Variants in TBC1D5 observed in about 807,000 individuals in gnomAD.
TBC1D5 encodes TBC1 domain family, member 5.
A neutral mutation model predicts 100.3 loss-of-function variants in TBC1D5; 75 were observed. The observed-to-expected ratio is 0.75, with a 90% confidence interval of 0.62 to 0.91. TBC1D5 has a LOEUF of 0.91. Ranked by LOEUF, TBC1D5 falls within the 40% of genes least tolerant of loss-of-function variation. The pLI is 0.00. For synonymous variants in TBC1D5, 323 were observed against 325.6 expected, an observed-to-expected ratio of 0.99 and a Z score of 0.09; for missense variants, 910 against 942.4, an observed-to-expected ratio of 0.97 and a Z score of 0.45.
chr3:17,340,790 T>A (rs1478519028), intron 13 of TBC1D5: 6 of 152,170 alleles, frequency 3.9e-5, no homozygotes, highest in African/African-American at 7.2e-5. Flanking sequence ...CTTGCAGGGA[T>A]CTAAAGAATT....
intron 13 of TBC1D5, among the ~76,000 whole-genome samples, chr3:17,353,751 TAAG>T (rs888280829): frequency 3.9e-5 from 6 of 152,090 alleles, no homozygotes; most frequent in African/African-American, 9.7e-5. Flanking sequence ...GTACTTCATA[TAAG>T]AAGATGAGAA....
At chr3:17,690,084 C>A (rs1365935519) in intron 1 of TBC1D5, among the ~76,000 whole-genome samples, 1 of 151,588 alleles carries the variant, frequency 6.6e-6, no homozygotes, top group African/African-American at 2.4e-5. Flanking sequence ...GGAAACAAGA[C>A]TAGAAAACAT....
Position 17,638,637 on chromosome 3 carries a change from T to A in TBC1D5, c.-100-14724A>T, listed in dbSNP as rs114785039. Reference sequence around the variant, plus strand: ...CAGTACAGATGAATAAAAGTAGTACTGTTTTTCAATAACCACACAATAATG... The same window carrying A: ...CAGTACAGATGAATAAAAGTAGTACAGTTTTTCAATAACCACACAATAATG... On this transcript the variant is annotated intron_variant, in intron 1 of 21. Coordinates refer to ENST00000253692, the Ensembl canonical transcript of TBC1D5. Among the ~76,000 whole-genome samples the A allele has an allele frequency of 5.9e-3, 902 of 152,304 alleles. 5 individuals carry two copies. Among genetic ancestry groups the A allele is most frequent in the Middle Eastern group, 0.031 (9 of 294 alleles).
chr3:17,625,491 A>C (rs1281559921), intron 1 of TBC1D5, among the ~76,000 whole-genome samples: 1 of 152,048 alleles, frequency 6.6e-6, no homozygotes, highest in African/African-American at 2.4e-5. Flanking sequence ...TAAGGCTGTT[A>C]AAATAGGTTA....
rs115318122 is a variant in TBC1D5 at position 17,246,968 on chromosome 3, A to G, written c.1332-8549T>C. The stretch of plus-strand genomic sequence containing the variant: ...TCTTTATATATCTGGGCCTTGGGTC[A>G]CACCAAATTGTTTACACTAACAATG... On this transcript the variant is annotated intron_variant, in intron 16 of 21. Transcript: ENST00000253692. Among the ~76,000 whole-genome samples, 1,387 of 152,312 alleles carry G rather than the reference A, an allele frequency of 9.1e-3. 17 individuals carry two copies. Among genetic ancestry groups the G allele is most frequent in the African/African-American group, 0.031 (1,302 of 41,566 alleles).
intron 3 of TBC1D5, among the ~76,000 whole-genome samples, chr3:17,444,867 G>A (rs2094748250): frequency 6.6e-6 from 1 of 151,978 alleles, no homozygotes; most frequent in African/African-American, 2.4e-5. Context: ...GCTACAAAGG[G>A]TGTTACACAA....
intron 21 of TBC1D5, 47 bp from the exon 23 acceptor site, chr3:17,161,303 C>CAAAG: frequency 6.4e-7 from 1 of 1,556,646 alleles, no homozygotes; most frequent in Non-Finnish European, 8.7e-7. Flanking sequence ...AAGAAACTGG[C>CAAAG]AAAGAACTGA....
At chr3:17,729,352 A>AGG (rs1400031186) in intron 1 of TBC1D5, among the ~76,000 whole-genome samples, 1 of 140,912 alleles carries the variant, frequency 7.1e-6, no homozygotes, top group Non-Finnish European at 1.5e-5. Context: ...GAAATTTGAG[A>AGG]GAAAAAAAAA....
intron 16 of TBC1D5, among the ~76,000 whole-genome samples, chr3:17,256,398 T>A (rs2077679109): frequency 6.8e-6 from 1 of 146,678 alleles, no homozygotes; most frequent in African/African-American, 2.5e-5. Flanking sequence ...ATATATATAA[T>A]ATATATATAA....
chr3:17,686,091 A>G (rs1027545825), intron 1 of TBC1D5, among the ~76,000 whole-genome samples: 1 of 152,156 alleles, frequency 6.6e-6, no homozygotes, highest in African/African-American at 2.4e-5. Flanking sequence ...GCGGGATTTC[A>G]GACGTGAAAG....
intron 2 of TBC1D5, among the ~76,000 whole-genome samples, chr3:17,582,789 A>C (rs1237755458): frequency 1.3e-5 from 2 of 151,968 alleles, no homozygotes; most frequent in Non-Finnish European, 1.5e-5. Flanking sequence ...AAAAAGCAAA[A>C]AAAAACAAAA....
rs572178101 is a variant in TBC1D5, at chr3:17,501,807, C to T, written c.97+6667G>A. Among the ~76,000 whole-genome samples the T allele has an allele frequency of 5.3e-5, 8 of 149,586 alleles. 1 individual carries two copies. In the South Asian group the frequency reaches 1.7e-3, roughly 32 times the overall value. ...TGCTGGACATAATCACATACATTTA[C>T]AAGCTGGAATCACCCATAAATATGA... On this transcript the variant is annotated intron_variant, in intron 3 of 21. Coordinates refer to ENST00000253692, the Ensembl canonical transcript of TBC1D5.
intron 14 of TBC1D5, among the ~76,000 whole-genome samples, chr3:17,294,153 A>G (rs1192981648): frequency 6.6e-6 from 1 of 152,258 alleles, no homozygotes; most frequent in African/African-American, 2.4e-5. Context: ...CTAGAAGATC[A>G]GCATAAACCA....
intron 1 of TBC1D5, among the ~76,000 whole-genome samples, chr3:17,659,807 T>C (rs2066471902): frequency 6.6e-6 from 1 of 152,208 alleles, no homozygotes; most frequent in Non-Finnish European, 1.5e-5. Context: ...CAGGATAAGC[T>C]CTTTCTGCCA....
intron 2 of TBC1D5, among the ~76,000 whole-genome samples, chr3:17,602,402 G>T (rs1036682893): frequency 6.6e-6 from 1 of 152,020 alleles, no homozygotes; most frequent in Non-Finnish European, 1.5e-5. Flanking sequence ...ACGATCCCTG[G>T]TGCTCAGTAC....
chr3:17,197,531 C>G (rs1402315762), intron 18 of TBC1D5, among the ~76,000 whole-genome samples: 2 of 152,076 alleles, frequency 1.3e-5, no homozygotes, highest in Non-Finnish European at 2.9e-5. Context: ...TGTGTGCCAC[C>G]AAGCCCAGCT....
chr3:17,680,197 A>C (rs1338503817), intron 1 of TBC1D5, among the ~76,000 whole-genome samples: 1 of 150,500 alleles, frequency 6.6e-6, no homozygotes, highest in Non-Finnish European at 1.5e-5. Flanking sequence ...TGACTTAAAG[A>C]GATCTGATAT....
chr3:17,255,865 C>T (rs531323979), intron 16 of TBC1D5, among the ~76,000 whole-genome samples: 2 of 152,058 alleles, frequency 1.3e-5, no homozygotes, highest in East Asian at 3.9e-4. Context: ...GGTGAAACCC[C>T]GTCTACTAAA....
At chr3:17,426,018 T>A (rs749478137) in intron 4 of TBC1D5, among the ~76,000 whole-genome samples, 2 of 121,668 alleles carry the variant, frequency 1.6e-5, no homozygotes, top group Non-Finnish European at 3.4e-5. Flanking sequence ...ATATATAAAG[T>A]ATGAGTATGT....
Sources: allele counts gnomAD v4.1 joint callset (sites outside exome capture counted in the v4.1 genomes callset), GRCh38; gene constraint gnomAD v4.1.1; transcripts MANE v1.5; gene names NCBI Gene and HGNC (gene_info 2026-07-23, HGNC 2026-07-21).